SSBP2: variants seen among roughly 807,000 people sequenced by gnomAD.
SSBP2 encodes single stranded DNA binding protein 2.
Under a neutral mutation model 61.8 loss-of-function variants are expected in SSBP2, and 17 were observed. That is an observed-to-expected ratio of 0.28 (90% CI 0.19 to 0.41). The LOEUF (loss-of-function observed/expected upper bound fraction) is 0.41, where lower values mean the gene tolerates loss of function less well. SSBP2 is among the 10% of genes least tolerant of loss of function. The pLI is 1.00. For missense variants in SSBP2, 310 were observed against 458.7 expected (o/e 0.68, Z 2.96); for synonymous variants, 139 against 141.3 (o/e 0.98, Z 0.12).
chr5:81,460,246 C>T (rs769225315), intron 10 of SSBP2, among the ~76,000 whole-genome samples: 154 of 152,140 alleles, frequency 1.0e-3, no homozygotes, highest in Non-Finnish European at 1.9e-3. Context: ...ATTGACTTCA[C>T]AAGGGGATCA....
At chr5:81,550,302 T>G (rs1252064715) in intron 4 of SSBP2, among the ~76,000 whole-genome samples, 1 of 152,314 alleles carries the variant, frequency 6.6e-6, no homozygotes, top group Middle Eastern at 3.4e-3. Context: ...GGTTTTGACT[T>G]TCTACCAAAA....
At chr5:81,486,132 A>T (rs1339529656) in intron 6 of SSBP2, among the ~76,000 whole-genome samples, 1 of 152,128 alleles carries the variant, frequency 6.6e-6, no homozygotes, top group Non-Finnish European at 1.5e-5. Flanking sequence ...AGAAGAGTAC[A>T]ATTGTTTTAA....
intron 3 of SSBP2, among the ~76,000 whole-genome samples, chr5:81,615,871 C>A (rs1745963494): frequency 6.6e-6 from 1 of 152,152 alleles, no homozygotes; most frequent in African/African-American, 2.4e-5. Context: ...ATACTTTTCA[C>A]AATTTTCCCA....
rs1213544472 is a variant in SSBP2, at chr5:81,442,643, T to C, written c.849+10A>G. ...AATACATTCCAAAAATAAAAAAAGTTCATATTTACATTAGGTCTGTTAGGT... is the reference window on the plus strand; with the variant it reads ...AATACATTCCAAAAATAAAAAAAGTCCATATTTACATTAGGTCTGTTAGGT... On this transcript the variant is annotated intron_variant, in intron 13 of 16. Coordinates refer to ENST00000320672, the MANE Select transcript of SSBP2 (RefSeq NM_012446.5). The C allele has an allele frequency of 6.0e-6, 9 of 1,498,510 alleles. No homozygotes were observed. Among genetic ancestry groups the C allele is most frequent in the African/African-American group, 1.4e-5 (1 of 71,194 alleles). The allele number at this position is 1,498,510 out of a possible 1,614,324, so 92.8% of individuals were successfully genotyped here. A position where few individuals can be genotyped will look rare whatever the true frequency, so the allele number is the denominator to read the frequency against.
chr5:81,492,584 A>G (rs572419769), intron 5 of SSBP2, among the ~76,000 whole-genome samples: 70 of 151,346 alleles, frequency 4.6e-4, no homozygotes, highest in African/African-American at 1.6e-3. Context: ...TTGGGGCAAC[A>G]TTCTTTTTTT....
chr5:81,520,724 T>A (rs1361246707), intron 4 of SSBP2, among the ~76,000 whole-genome samples: 2 of 152,134 alleles, frequency 1.3e-5, no homozygotes, highest in East Asian at 3.9e-4. Flanking sequence ...CATTTTAATC[T>A]ATTGGTTTAA....
At chr5:81,559,189 C>G (rs1281362462) in intron 4 of SSBP2, among the ~76,000 whole-genome samples, 1 of 151,996 alleles carries the variant, frequency 6.6e-6, no homozygotes, top group African/African-American at 2.4e-5. Context: ...AGTTCGAGAC[C>G]AGCCTGACCA....
chr5:81,655,986 A>T (rs980547863), intron 1 of SSBP2, among the ~76,000 whole-genome samples: 25 of 152,294 alleles, frequency 1.6e-4, no homozygotes, highest in Middle Eastern at 6.8e-3. Context: ...TTTACTTTGC[A>T]TGATTCTAAC....
intron 4 of SSBP2, among the ~76,000 whole-genome samples, chr5:81,572,059 AACT>A (rs1352266752): frequency 2.3e-4 from 35 of 152,260 alleles, no homozygotes; most frequent in African/African-American, 7.9e-4. Context: ...GGAAAAAATC[AACT>A]ACAAGTCTCT....
At chr5:81,573,527 G>A (rs1451665064) in intron 4 of SSBP2, among the ~76,000 whole-genome samples, 1 of 152,208 alleles carries the variant, frequency 6.6e-6, no homozygotes, top group Admixed American at 6.5e-5. Flanking sequence ...AGTATGAAAA[G>A]AGGCATAGAT....
chr5:81,564,659 A>C (rs1773293628), intron 4 of SSBP2, among the ~76,000 whole-genome samples: 1 of 152,222 alleles, frequency 6.6e-6, no homozygotes, highest in Admixed American at 6.5e-5. Flanking sequence ...CTGATGTTTT[A>C]GCTAAAAATT....
rs1554083527 is a variant in SSBP2, at chr5:81,542,829, C to CTCTCTCTCTCTT, written c.283-29113_283-29112insAAGAGAGAGAGA. Among the ~76,000 whole-genome samples the CTCTCTCTCTCTT allele has an allele frequency of 1.2e-3, 176 of 146,902 alleles. 1 individual carries two copies. Among genetic ancestry groups the CTCTCTCTCTCTT allele is most frequent in the South Asian group, 2.2e-3 (10 of 4,620 alleles). On this transcript the variant is annotated intron_variant, in intron 4 of 16. Coordinates refer to ENST00000320672, the MANE Select transcript of SSBP2 (RefSeq NM_012446.5). ...AGTATTTGACAGTTTCTCTCTCTCT[C>CTCTCTCTCTCTT]TCTCTCTCTCTCTCTCTCTCTCTCC...
chr5:81,461,748 G>A (rs1764558791), intron 9 of SSBP2, among the ~76,000 whole-genome samples: 1 of 152,002 alleles, frequency 6.6e-6, no homozygotes, highest in African/African-American at 2.4e-5. Flanking sequence ...AGAAAAAATG[G>A]GAGATAATCT....
chr5:81,442,772 C>T, intron 12 of SSBP2, 49 bp from the exon 13 acceptor site: 1 of 941,158 alleles, frequency 1.1e-6, no homozygotes, highest in Non-Finnish European at 1.6e-6. Context: ...AGTCTATACC[C>T]AATTCATCAC....
intron 1 of SSBP2, among the ~76,000 whole-genome samples, chr5:81,672,080 CATTAT>C (rs1295643351): frequency 2.0e-5 from 3 of 152,120 alleles, no homozygotes; most frequent in East Asian, 1.9e-4. Flanking sequence ...GATTTTGCTC[CATTAT>C]ATTATTTTTA....
chr5:81,506,384 T>C (rs1333813592), intron 5 of SSBP2, among the ~76,000 whole-genome samples: 3 of 152,174 alleles, frequency 2.0e-5, no homozygotes, highest in Non-Finnish European at 4.4e-5. Context: ...TATATATTAA[T>C]GCTGTTAGAT....
chr5:81,587,916 C>T (rs1172532929), intron 4 of SSBP2, among the ~76,000 whole-genome samples: 1 of 152,122 alleles, frequency 6.6e-6, no homozygotes, highest in Non-Finnish European at 1.5e-5. Flanking sequence ...ATTTTCTGGG[C>T]TTGCCACTAT....
intron 1 of SSBP2, among the ~76,000 whole-genome samples, chr5:81,734,308 T>C (rs4703841): frequency 0.14 from 21,913 of 152,132 alleles, 2,395 homozygotes; most frequent in East Asian, 0.49. Context: ...ACAAAGTATC[T>C]CTAAGCAATC....
intron 6 of SSBP2, among the ~76,000 whole-genome samples, chr5:81,485,072 C>A (rs1766281262): frequency 6.6e-6 from 1 of 152,052 alleles, no homozygotes; most frequent in African/African-American, 2.4e-5. Flanking sequence ...TGAATGAATA[C>A]TGTGAATTTT....
Sources: gnomAD v4.1 joint callset for allele counts (sites outside exome capture counted in the v4.1 genomes callset) on GRCh38, gnomAD v4.1.1 for gene constraint, MANE v1.5 for transcripts, NCBI Gene and HGNC (gene_info 2026-07-23, HGNC 2026-07-21) for gene names.